The following SLC7A14 variants were observed in gnomAD, a reference collection of about 807,000 sequenced individuals.
SLC7A14 encodes the protein gamma-aminobutyric acid transporter SLC7A14.
SLC7A14 carries 37 observed loss-of-function variants against 60.2 expected under a neutral mutation model. The observed-to-expected ratio is 0.61, with a 90% CI of 0.47 to 0.81. The LOEUF (loss-of-function observed/expected upper bound fraction) is 0.81, where lower values mean the gene tolerates loss of function less well. SLC7A14 is among the 30% of genes least tolerant of loss of function. The pLI, the probability that SLC7A14 is intolerant of heterozygous loss-of-function variation, is 0.00. For missense variants in SLC7A14, 886 were observed against 982.7 expected, an observed-to-expected ratio of 0.90 and a Z score of 1.32; for synonymous variants, 399 against 395.8, an observed-to-expected ratio of 1.01 and a Z score of -0.10.
At chr3:170,496,891 G>A (rs1712415997) in intron 4 of SLC7A14, among the ~76,000 whole-genome samples, 1 of 152,064 alleles carries the variant, frequency 6.6e-6, no homozygotes, top group Non-Finnish European at 1.5e-5. Flanking sequence ...GTGAAGAGCT[G>A]CGGCAGTCCC....
chr3:170,582,238 C>T (rs538577681), intron 1 of SLC7A14, among the ~76,000 whole-genome samples: 30 of 152,220 alleles, frequency 2.0e-4, no homozygotes, highest in African/African-American at 7.0e-4. Flanking sequence ...GTCCTTACTT[C>T]TTCCCAGTTC....
At chr3:170,518,006 G>A (rs1157621576) in intron 2 of SLC7A14, among the ~76,000 whole-genome samples, 6 of 152,292 alleles carry the variant, frequency 3.9e-5, no homozygotes, top group Admixed American at 1.3e-4. Flanking sequence ...GAGATAGCTC[G>A]CTGAAATGGC....
intron 1 of SLC7A14, among the ~76,000 whole-genome samples, chr3:170,557,227 A>G (rs1336803230): frequency 3.9e-5 from 6 of 152,048 alleles, no homozygotes; most frequent in African/African-American, 1.4e-4. Flanking sequence ...GGACTTTCTA[A>G]CAGGATGCAT....
chr3:170,492,041 G>A (rs1222388722), intron 4 of SLC7A14, among the ~76,000 whole-genome samples: 8 of 152,182 alleles, frequency 5.3e-5, no homozygotes. Flanking sequence ...AATGGTCCCT[G>A]GTTGGTAAAT....
chr3:170,569,434 G>T (rs1423059480), intron 1 of SLC7A14, among the ~76,000 whole-genome samples: 55 of 152,138 alleles, frequency 3.6e-4, no homozygotes, highest in African/African-American at 1.1e-3. Flanking sequence ...TGAGGATTTT[G>T]GCATCAGCGT....
At chr3:170,471,854 A>G (rs1210200068) in intron 7 of SLC7A14, among the ~76,000 whole-genome samples, 1 of 152,238 alleles carries the variant, frequency 6.6e-6, no homozygotes, top group Non-Finnish European at 1.5e-5. Context: ...CCTTAAAAGC[A>G]GATAACTTAG....
At chr3:170,581,577 G>A (rs145634684) in intron 1 of SLC7A14, among the ~76,000 whole-genome samples, 3 of 152,108 alleles carry the variant, frequency 2.0e-5, no homozygotes, top group East Asian at 1.9e-4. Context: ...CCACTTTTCA[G>A]TGAAATAAAT....
At chr3:170,527,497 TCTAA>T (rs1260161802) in intron 1 of SLC7A14, among the ~76,000 whole-genome samples, 1 of 152,224 alleles carries the variant, frequency 6.6e-6, no homozygotes, top group African/African-American at 2.4e-5. Context: ...CCATCTCAAC[TCTAA>T]CTACCTCTTA....
Position 170,532,150 on chromosome 3 carries a change from C to T in SLC7A14, c.-152-5062G>A, listed in dbSNP as rs537848132. Among the ~76,000 whole-genome samples the T allele has an allele frequency of 2.2e-4, 33 of 152,244 alleles. No homozygotes were observed. The highest frequency in any genetic ancestry group is 7.7e-4 in the African/African-American group (32 of 41,544). ...CCAGCTTTTTCTGGAACATCTGGGC[C>T]GCAGGGAACATTGGCTGATAGAAGC... On this transcript the variant is annotated intron_variant, in intron 1 of 7. Coordinates refer to ENST00000231706, the MANE Select transcript of SLC7A14 (RefSeq NM_020949.3). This position sits in a 1 kb window ranked among gnomAD's most constrained non-coding sequence, Gnocchi z 4.0.
chr3:170,511,137 C>G (rs1375127216), intron 2 of SLC7A14, among the ~76,000 whole-genome samples: 1 of 152,208 alleles, frequency 6.6e-6, no homozygotes. Flanking sequence ...GGTGCAGTGG[C>G]TCACGCTTGT....
intron 4 of SLC7A14, chr3:170,496,471 A>G: frequency 3.8e-6 from 5 of 1,327,892 alleles, no homozygotes; most frequent in Non-Finnish European, 5.4e-6. Flanking sequence ...CTGGCCGTTA[A>G]GGATGCCAGC....
chr3:170,488,086 ATACT>A (rs1305033770), intron 4 of SLC7A14, among the ~76,000 whole-genome samples: 3 of 152,356 alleles, frequency 2.0e-5, no homozygotes, highest in African/African-American at 4.8e-5. Context: ...AAAATTAAAA[ATACT>A]TAATACTACA....
At chr3:170,529,373 C>A (rs1403906656) in intron 1 of SLC7A14, among the ~76,000 whole-genome samples, 1 of 152,220 alleles carries the variant, frequency 6.6e-6, no homozygotes, top group African/African-American at 2.4e-5. Flanking sequence ...ATGGAAACAT[C>A]ATTTTTAATA....
rs190585996 is a variant in SLC7A14 at position 170,505,180 on chromosome 3, C to T, written c.305-3835G>A. On this transcript the variant is annotated intron_variant, in intron 2 of 7. Transcript: ENST00000231706. ...TGGGTAAATTGAGAGACAGTTGTCT[C>T]TTGTTTGGTTTGGAATTTACCGACT... Among the ~76,000 whole-genome samples the T allele has an allele frequency of 2.0e-3, 299 of 151,848 alleles. 1 individual carries two copies. Among genetic ancestry groups the T allele is most frequent in the South Asian group, 5.6e-3 (27 of 4,804 alleles).
At chr3:170,542,847 G>A (rs560382681) in intron 1 of SLC7A14, among the ~76,000 whole-genome samples, 59 of 152,140 alleles carry the variant, frequency 3.9e-4, no homozygotes, top group Non-Finnish European at 8.1e-4. Flanking sequence ...CCTTAACGTG[G>A]TTTCTACTAC....
At chr3:170,490,351 TATAAACACAG>T (rs1282998635) in intron 4 of SLC7A14, among the ~76,000 whole-genome samples, 1 of 148,976 alleles carries the variant, frequency 6.7e-6, no homozygotes, top group Admixed American at 6.9e-5. Flanking sequence ...TGCAAATACA[TATAAACACAG>T]ATAAACACAC....
chr3:170,567,945 C>A (rs1048928103), intron 1 of SLC7A14, among the ~76,000 whole-genome samples: 1 of 151,736 alleles, frequency 6.6e-6, no homozygotes, highest in African/African-American at 2.4e-5. Flanking sequence ...AAATTTTCTC[C>A]CATTTTGTAG....
chr3:170,472,205 A>T (rs980320176), intron 7 of SLC7A14, among the ~76,000 whole-genome samples: 1 of 124,904 alleles, frequency 8.0e-6, no homozygotes, highest in African/African-American at 3.9e-5. Context: ...CCCGTCTACT[A>T]AAAAAAAAAA....
chr3:170,521,064 G>C lies in SLC7A14; in HGVS notation c.304+5569C>G, dbSNP rs1030636452. ...GGCTTTTAGGTTTGGCATGGCTATG[G>C]GGTCTGGTTGTGGCCTACTGAGCTA... On this transcript the variant is annotated intron_variant, in intron 2 of 7. Coordinates refer to ENST00000231706, the MANE Select transcript of SLC7A14 (RefSeq NM_020949.3). Among the ~76,000 whole-genome samples the C allele has an allele frequency of 2.6e-5, 4 of 152,310 alleles. No individual in the cohort carries two copies. In the South Asian group the frequency reaches 8.3e-4, roughly 32 times the overall value.
Sources: gnomAD v4.1 joint callset for allele counts (sites outside exome capture counted in the v4.1 genomes callset) on GRCh38, gnomAD v4.1.1 for gene constraint, Gnocchi (gnomAD v3.1) non-coding constraint, MANE v1.5 for transcripts, NCBI Gene and HGNC (gene_info 2026-07-23, HGNC 2026-07-21) for gene names.